FKBP14: variants seen among roughly 807,000 people sequenced by gnomAD.
FKBP14 encodes peptidyl-prolyl cis-trans isomerase FKBP14.
In FKBP14, 20 loss-of-function variants were observed where a neutral mutation model predicts 21.6. That is an observed-to-expected ratio of 0.92 (90% CI 0.65 to 1.34). FKBP14 has a LOEUF of 1.34. FKBP14 is among the 40% of genes most tolerant of loss of function. The probability of loss-of-function intolerance (pLI) is 0.00; values close to 1 mark genes in which losing one functional copy is unlikely to be tolerated. For synonymous variants in FKBP14, 79 were observed against 86.7 expected (o/e 0.91, Z 0.49); for missense variants, 253 against 249.0 (o/e 1.02, Z -0.11).
chr7:30,015,611 T>C (rs1197341486), intron 3 of FKBP14, among the ~76,000 whole-genome samples: 2 of 151,052 alleles, frequency 1.3e-5, no homozygotes, highest in Admixed American at 1.3e-4. Flanking sequence ...TTTCTTTTCT[T>C]TTTTTAGACA....
downstream of FKBP14, among the ~76,000 whole-genome samples, chr7:30,006,332 G>A (rs1273763484): frequency 6.6e-6 from 1 of 151,640 alleles, no homozygotes; most frequent in East Asian, 1.9e-4. Flanking sequence ...TCTCTATGTT[G>A]CCCAGGCTGG....
chr7:30,020,555 T>C (rs1336447300), intron 2 of FKBP14, among the ~76,000 whole-genome samples: 1 of 152,210 alleles, frequency 6.6e-6, no homozygotes, highest in East Asian at 1.9e-4. Flanking sequence ...TATACATGCA[T>C]ATCTGTGATA....
chr7:30,018,902 T>C (rs1789958996), intron 3 of FKBP14, 94 bp downstream of exon 3: 3 of 1,291,222 alleles, frequency 2.3e-6, no homozygotes, highest in Non-Finnish European at 3.2e-6. Flanking sequence ...TATACACATA[T>C]TCATTTAAAA....
downstream of FKBP14, among the ~76,000 whole-genome samples, chr7:30,008,834 G>A (rs1339249215): frequency 6.6e-6 from 1 of 151,948 alleles, no homozygotes; most frequent in Non-Finnish European, 1.5e-5. Flanking sequence ...AAATTAGCCG[G>A]GCGTGGTGGC....
In FKBP14 at chr7:30,019,031, C is replaced by A; in HGVS notation, c.442G>T (p.Asp148Tyr). ...PRSHESFQEM[D>Y]LNDDWKLSKD... ...GAGAGTTTCCAGTCATCATTAAGAT[C>A]CATTTCTTGGAATGATTCATGGGAT... is the stretch of plus-strand genomic sequence containing the variant. Residue 148 changes from aspartate to tyrosine, a missense_variant, in exon 3 of 4, where the codon GAT becomes TAT. By Grantham distance (160) the Asp-to-Tyr change is radical. Coordinates refer to ENST00000222803, the MANE Select transcript of FKBP14 (RefSeq NM_017946.4). 2 of 1,607,710 alleles carry A rather than the reference C, an allele frequency of 1.2e-6. No individual in the cohort carries two copies. The highest frequency in any genetic ancestry group is 1.7e-6 in the Non-Finnish European group (2 of 1,178,006).
At position 30,012,879 on chromosome 7, in the gene FKBP14, G is replaced by A. The variant is rs1789776686; in HGVS notation, c.*1856C>T. 1 of 152,172 alleles carries A rather than the reference G, an allele frequency of 6.6e-6. No individual in the cohort carries two copies. Among genetic ancestry groups the A allele is most frequent in the Non-Finnish European group, 1.5e-5 (1 of 68,040 alleles). 9.4% of individuals were successfully genotyped at this position (152,172 alleles called of 1,614,324 possible). ...ACTGAAGAGAGAATTAGACCCCAGG[G>A]AAATTTTCACTTTTCATTAGTAGAG... is the stretch of plus-strand genomic sequence containing the variant. On this transcript the variant is annotated 3_prime_UTR_variant, in exon 4 of 4. Coordinates refer to ENST00000222803, the MANE Select transcript of FKBP14 (RefSeq NM_017946.4).
rs1294029312 is a variant in FKBP14, at chr7:30,011,443, AC to A, written c.*3291del. 1 of 150,908 alleles carries A rather than the reference AC, an allele frequency of 6.6e-6. No individual in the cohort carries two copies. The highest frequency in any genetic ancestry group is 1.5e-5 in the Non-Finnish European group (1 of 67,858). The allele number at this position is 150,908 out of a possible 1,614,324, so 9.3% of individuals were successfully genotyped here. A position where few individuals can be genotyped will look rare whatever the true frequency, so the allele number is the denominator to read the frequency against. ...ATGTCCTAGGCCTTTACATTCACTCACCACTGACTCATCCAGAGCAACTTCC... is the reference window on the plus strand; with the variant it reads ...ATGTCCTAGGCCTTTACATTCACTCACACTGACTCATCCAGAGCAACTTCC... On this transcript the variant is annotated 3_prime_UTR_variant, in exon 4 of 4. Transcript: ENST00000222803.
intron 3 of FKBP14, among the ~76,000 whole-genome samples, chr7:30,017,084 CAGAA>C (rs1025525133): frequency 6.6e-4 from 100 of 150,622 alleles, no homozygotes; most frequent in Non-Finnish European, 1.0e-3. Flanking sequence ...TTTGGATTTG[CAGAA>C]AGAAACACTG....
intron 3 of FKBP14, among the ~76,000 whole-genome samples, chr7:30,016,580 G>C (rs1007889027): frequency 1.3e-5 from 2 of 151,960 alleles, no homozygotes; most frequent in East Asian, 3.9e-4. Flanking sequence ...TTTTAGTAGA[G>C]ACAGGGTTTC....
rs1276799645 is a variant in FKBP14 at position 30,022,715 on chromosome 7, T to A, written c.299A>T (p.Lys100Met). 6.2e-7 allele frequency: 1 copy of A among 1,614,156 alleles called. No homozygotes were observed. Among genetic ancestry groups the A allele is most frequent in the African/African-American group, 1.3e-5 (1 of 75,044 alleles). Residue 100 changes from lysine to methionine, a missense_variant, in exon 2 of 4, where the codon AAG (lysine) becomes ATG (methionine). By Grantham distance (95) the Lys-to-Met change is moderately conservative (BLOSUM62 -1). Coordinates refer to ENST00000222803, the MANE Select transcript of FKBP14 (RefSeq NM_017946.4). Reference sequence around the variant, plus strand: ...AGCAGGAGGAATGATGAGCTTTCTCTTCTCTCCTACACACATTCCTTTCAA... The same window carrying A: ...AGCAGGAGGAATGATGAGCTTTCTCATCTCTCCTACACACATTCCTTTCAA... ...QGLKGMCVGE[K>M]RKLIIPPALG...
downstream of FKBP14, among the ~76,000 whole-genome samples, chr7:30,009,879 A>C (rs1185632082): frequency 1.3e-5 from 2 of 151,852 alleles, no homozygotes; most frequent in Non-Finnish European, 2.9e-5. Flanking sequence ...CATGCCTGTA[A>C]TCCCAGCTAC....
downstream of FKBP14, among the ~76,000 whole-genome samples, chr7:30,009,997 TCAA>T (rs1215826234): frequency 6.6e-6 from 1 of 151,796 alleles, no homozygotes; most frequent in Non-Finnish European, 1.5e-5. Flanking sequence ...AAACTGTGTC[TCAA>T]CAACAACAAA....
intron 1 of FKBP14, among the ~76,000 whole-genome samples, chr7:30,023,854 C>G (rs1033999165): frequency 6.6e-6 from 1 of 152,122 alleles, no homozygotes; most frequent in Non-Finnish European, 1.5e-5. Flanking sequence ...CCTCATGATT[C>G]GATTACCTCC....
chr7:30,015,786 C>T (rs1361123537), intron 3 of FKBP14, among the ~76,000 whole-genome samples: 1 of 151,648 alleles, frequency 6.6e-6, no homozygotes, highest in African/African-American at 2.4e-5. Flanking sequence ...CCACCACGCC[C>T]AGCTAATTTT....
Position 30,026,515 on chromosome 7 carries a change from G to A in FKBP14, c.-7C>T. On this transcript the variant is annotated 5_prime_UTR_variant, in exon 1 of 4. Coordinates refer to ENST00000222803, the MANE Select transcript of FKBP14 (RefSeq NM_017946.4). ...TCCACAAGAAAAGCCTCATGTTGCTGAAGCAAGGAAAGAAGTCCCTACAAA... is the reference window on the plus strand; with the variant it reads ...TCCACAAGAAAAGCCTCATGTTGCTAAAGCAAGGAAAGAAGTCCCTACAAA... The A allele has an allele frequency of 6.2e-7, 1 of 1,602,518 alleles. No individual in the cohort carries two copies. The highest frequency in any genetic ancestry group is 8.5e-7 in the Non-Finnish European group (1 of 1,174,928).
intron 1 of FKBP14, among the ~76,000 whole-genome samples, chr7:30,025,988 G>T (rs1266195404): frequency 6.6e-6 from 1 of 152,154 alleles, no homozygotes; most frequent in Admixed American, 6.6e-5. Context: ...TGAGATATGA[G>T]AATTCTTTTG....
chr7:30,017,631 A>G (rs2127947696), intron 3 of FKBP14, among the ~76,000 whole-genome samples: 1 of 152,178 alleles, frequency 6.6e-6, no homozygotes, highest in African/African-American at 2.4e-5. Flanking sequence ...TTGGTCTTGA[A>G]GTCTCAGCCT....
In FKBP14 at chr7:30,013,672, T is replaced by C. The variant is rs2127946254; in HGVS notation, c.*1063A>G. 6.6e-6 allele frequency: 1 copy of C among 152,302 alleles called. No homozygotes were observed. The highest frequency in any genetic ancestry group is 1.5e-5 in the Non-Finnish European group (1 of 68,020). 9.4% of individuals were successfully genotyped at this position (152,302 alleles called of 1,614,324 possible). ...ACCCATTAAAGAACCAGGAAGGATATTCCGCTAGCCTTAAGAAGTAAATAT... is the reference window on the plus strand; with the variant it reads ...ACCCATTAAAGAACCAGGAAGGATACTCCGCTAGCCTTAAGAAGTAAATAT... On this transcript the variant is annotated 3_prime_UTR_variant, in exon 4 of 4. Coordinates refer to ENST00000222803, the MANE Select transcript of FKBP14 (RefSeq NM_017946.4).
downstream of FKBP14, among the ~76,000 whole-genome samples, chr7:30,009,060 C>A (rs142866081): frequency 1.2e-4 from 19 of 152,048 alleles, no homozygotes; most frequent in African/African-American, 4.3e-4. Context: ...ATCATTTTGA[C>A]ATCTTAGATT....
Sources: gnomAD v4.1 joint callset for allele counts (sites outside exome capture counted in the v4.1 genomes callset) on GRCh38, gnomAD v4.1.1 for gene constraint, MANE v1.5 for transcripts, NCBI Gene and HGNC (gene_info 2026-07-23, HGNC 2026-07-21) for gene names.